DMD: variants seen among roughly 807,000 people sequenced by gnomAD.
The protein encoded by DMD is dystrophin.
A neutral mutation model predicts 330.1 loss-of-function variants in DMD; 63 were observed. That is an observed-to-expected ratio of 0.19 (90% CI 0.16 to 0.24). The LOEUF is 0.24. Among genes scored for constraint, DMD ranks in the 10% least tolerant of loss-of-function variants. The pLI is 1.00. For missense variants in DMD, 3,344 were observed against 2,684.1 expected (o/e 1.25, Z -5.43); for synonymous variants, 1,223 against 959.8 (o/e 1.27, Z -5.07).
At chrX:32,530,091 T>A (rs1206385150) in intron 17 of DMD, among the ~76,000 whole-genome samples, 1 of 112,211 alleles carries the variant, frequency 8.9e-6, no homozygotes, top group African/African-American at 3.2e-5. Flanking sequence ...AATATGCCTA[T>A]TTAACATGTG....
At position 31,864,676 on chromosome X, in the gene DMD, A is replaced by G. The variant is rs191488719; in HGVS notation, c.7098+10512T>C. Among the ~76,000 whole-genome samples the G allele has an allele frequency of 9.5e-4, 104 of 109,715 alleles. No individual in the cohort carries two copies. In the East Asian group the frequency reaches 0.021, roughly 22 times the overall value. The stretch of plus-strand genomic sequence containing the variant: ...GGCTAATTTTTTCTATTTTTAGTAG[A>G]GATGGGGTTTTGCTATATTGCCCAG... On this transcript the variant is annotated intron_variant, in intron 48 of 78. Transcript: ENST00000357033.
At chrX:32,476,343 G>A (rs1265240051) in intron 21 of DMD, among the ~76,000 whole-genome samples, 2 of 111,013 alleles carry the variant, frequency 1.8e-5, no homozygotes, top group Non-Finnish European at 3.8e-5. Context: ...ATTCCTCCTT[G>A]CATTCCAACC....
In DMD at chrX:31,783,226, A is replaced by T. The variant is rs534994312; in HGVS notation, c.7310-9034T>A. Among the ~76,000 whole-genome samples the T allele has an allele frequency of 6.3e-5, 7 of 111,832 alleles. No homozygotes were observed. The South Asian group carries it at 2.6e-3, about 42-fold the overall frequency. ...AAAAAACTCCTGAATTAAATAATTT[A>T]TTCTGATTTGGGTTTGTTTATTCAA... On this transcript the variant is annotated intron_variant, in intron 50 of 78. Coordinates refer to ENST00000357033, the MANE Select transcript of DMD (RefSeq NM_004006.3).
chrX:33,331,954 A>G (rs1376905462), intron 1 of DMD, among the ~76,000 whole-genome samples: 3 of 111,626 alleles, frequency 2.7e-5, no homozygotes, highest in Non-Finnish European at 5.7e-5. Flanking sequence ...TTCTTGTTTT[A>G]TTCAGATGTC....
intron 45 of DMD, among the ~76,000 whole-genome samples, chrX:31,963,792 T>TG (rs1184005881): frequency 1.9e-5 from 2 of 107,416 alleles, no homozygotes; most frequent in East Asian, 5.8e-4. Context: ...AAAACCTTTT[T>TG]TTTTTTTTTT....
At chrX:32,829,769 A>AC (rs2079018182) in intron 4 of DMD, among the ~76,000 whole-genome samples, 1 of 111,509 alleles carries the variant, frequency 9.0e-6, no homozygotes, top group Admixed American at 9.6e-5. Context: ...GAGTTCATGA[A>AC]CATTTTACAT....
intron 65 of DMD, among the ~76,000 whole-genome samples, chrX:31,208,939 C>T (rs2044362467): frequency 9.0e-6 from 1 of 111,161 alleles, no homozygotes; most frequent in Non-Finnish European, 1.9e-5. Context: ...TGAATGGAGG[C>T]GCCAAACTGA....
chrX:32,692,372 C>T (rs938617633), intron 9 of DMD, among the ~76,000 whole-genome samples: 5 of 111,628 alleles, frequency 4.5e-5, no homozygotes, highest in African/African-American at 1.6e-4. Flanking sequence ...TAAAGGCTTC[C>T]TCGAAGCAAA....
At chrX:32,993,124 T>A (rs1469645049) in intron 2 of DMD, among the ~76,000 whole-genome samples, 1 of 111,305 alleles carries the variant, frequency 9.0e-6, no homozygotes, top group Non-Finnish European at 1.9e-5. Flanking sequence ...ATTTTTGGAC[T>A]GACACAATTA....
intron 7 of DMD, among the ~76,000 whole-genome samples, chrX:32,781,296 C>A (rs1304192854): frequency 9.0e-6 from 1 of 110,823 alleles, no homozygotes; most frequent in South Asian, 3.8e-4. Context: ...TCCACTGGAA[C>A]ATTAAGTGAG....
chrX:33,022,983 T>C (rs1339345017), intron 1 of DMD, among the ~76,000 whole-genome samples: 1 of 111,828 alleles, frequency 8.9e-6, no homozygotes, highest in Non-Finnish European at 1.9e-5. Flanking sequence ...TATGAACTGA[T>C]CTAGAACTGA....
intron 4 of DMD, among the ~76,000 whole-genome samples, chrX:32,830,759 T>A (rs895779475): frequency 8.9e-6 from 1 of 111,757 alleles, no homozygotes; most frequent in Non-Finnish European, 1.9e-5. Context: ...AGTTTTACAC[T>A]GTTATCTTCG....
In DMD at chrX:31,627,755, G is replaced by A; in HGVS notation, c.8135C>T (p.Ala2712Val). ...ACGGGTAGCATCCTGTAGGACATTG[G>A]CAGTTGTTTCAGCTTCTGTAAGCCA... is the stretch of plus-strand genomic sequence containing the variant. ...LAWLTEAETT[A>V]NVLQDATRKE... Residue 2712 changes from alanine (A) to valine (V), a missense_variant, in exon 55 of 79, where the codon GCC (alanine) becomes GTC (valine). Physicochemically the swap from Ala to Val is moderately conservative, Grantham distance 64 (BLOSUM62 0). Transcript: ENST00000357033. 1 of 1,211,095 alleles carries A rather than the reference G, an allele frequency of 8.3e-7. No individual in the cohort carries two copies. The highest frequency in any genetic ancestry group is 1.7e-5 in the African/African-American group (1 of 57,750).
At chrX:32,957,014 C>G (rs1260259194) in intron 2 of DMD, among the ~76,000 whole-genome samples, 1 of 111,398 alleles carries the variant, frequency 9.0e-6, no homozygotes, top group Non-Finnish European at 1.9e-5. Context: ...TATTTGAAAA[C>G]AGCTAATACG....
chrX:32,807,122 T>TTAAAAA (rs1345640031), intron 7 of DMD, among the ~76,000 whole-genome samples: 2 of 20,741 alleles, frequency 9.6e-5, no homozygotes, highest in African/African-American at 4.4e-4. Flanking sequence ...CGGAAACATT[T>TTAAAAA]AAAAAAAAAA....
At chrX:33,043,348 G>A (rs182009018) in intron 1 of DMD, among the ~76,000 whole-genome samples, 35 of 111,324 alleles carry the variant, frequency 3.1e-4, no homozygotes, top group African/African-American at 1.1e-3. Flanking sequence ...AAATCCTCAC[G>A]AAGGTTTCAC....
At chrX:31,919,307 T>A (rs188852869) in intron 47 of DMD, among the ~76,000 whole-genome samples, 4 of 112,581 alleles carry the variant, frequency 3.6e-5, no homozygotes, top group Non-Finnish European at 7.5e-5. Context: ...CATTCTTTTA[T>A]AAAAGTTTCA....
chrX:31,511,237 C>CTATAAT (rs2071515502), intron 55 of DMD, among the ~76,000 whole-genome samples: 1 of 106,275 alleles, frequency 9.4e-6, no homozygotes, highest in Non-Finnish European at 1.9e-5. Flanking sequence ...ATACATTATA[C>CTATAAT]ATAATATAAT....
At chrX:31,773,596 T>TA (rs1193551853) in intron 51 of DMD, among the ~76,000 whole-genome samples, 2 of 111,407 alleles carry the variant, frequency 1.8e-5, no homozygotes. Flanking sequence ...TTGGGCTGCG[T>TA]AGTGCCAAAA....
Sources: allele counts gnomAD v4.1 joint callset (sites outside exome capture counted in the v4.1 genomes callset), GRCh38; gene constraint gnomAD v4.1.1; transcripts MANE v1.5; gene names NCBI Gene and HGNC (gene_info 2026-07-23, HGNC 2026-07-21).